The following PPP2R2B variants were observed in gnomAD, a reference collection of about 807,000 sequenced individuals.
PPP2R2B encodes the protein protein phosphatase 2 regulatory subunit Bbeta, also known as serine/threonine-protein phosphatase 2A 55 kDa regulatory subunit B beta isoform.
A neutral mutation model predicts 46.0 loss-of-function variants in PPP2R2B; 5 were observed. That is an observed-to-expected ratio of 0.11 (90% CI 0.06 to 0.23). The LOEUF (loss-of-function observed/expected upper bound fraction) is 0.23. PPP2R2B is among the 10% of genes least tolerant of loss of function. The probability of loss-of-function intolerance (pLI) is 1.00; values close to 1 mark genes in which losing one functional copy is unlikely to be tolerated. For synonymous variants in PPP2R2B, 215 were observed against 206.7 expected, an observed-to-expected ratio of 1.04 and a Z score of -0.34; for missense variants, 367 against 575.0, an observed-to-expected ratio of 0.64 and a Z score of 3.70.
At chr5:146,933,694 TA>T (rs1242607407) in intron 1 of PPP2R2B, among the ~76,000 whole-genome samples, 2 of 151,894 alleles carry the variant, frequency 1.3e-5, no homozygotes, top group African/African-American at 4.8e-5. Context: ...TTTCTTTTAT[TA>T]TTATACTTTA....
chr5:146,953,363 T>C (rs1434918786), intron 1 of PPP2R2B, among the ~76,000 whole-genome samples: 2 of 152,170 alleles, frequency 1.3e-5, no homozygotes, highest in African/African-American at 4.8e-5. Flanking sequence ...GCTACCAAGG[T>C]ATACGGGGTA....
intron 2 of PPP2R2B, among the ~76,000 whole-genome samples, chr5:146,808,499 C>G (rs991237182): frequency 6.6e-6 from 1 of 152,208 alleles, no homozygotes; most frequent in Non-Finnish European, 1.5e-5. Flanking sequence ...CCTCAGAGCC[C>G]CATTCACTAA....
chr5:146,864,670 C>A (rs2151399241), intron 2 of PPP2R2B, among the ~76,000 whole-genome samples: 1 of 152,284 alleles, frequency 6.6e-6, no homozygotes, highest in Admixed American at 6.5e-5. Flanking sequence ...CACCCATGTG[C>A]TTAATGGCAG....
chr5:147,012,315 A>G (rs1439667142), intron 1 of PPP2R2B, among the ~76,000 whole-genome samples: 1 of 152,160 alleles, frequency 6.6e-6, no homozygotes, highest in Admixed American at 6.5e-5. Context: ...GGGAGAATGT[A>G]TGTGTTGAGG....
At chr5:147,065,191 G>A (rs892296451) in intron 2 of PPP2R2B, among the ~76,000 whole-genome samples, 1 of 152,112 alleles carries the variant, frequency 6.6e-6, no homozygotes, top group Admixed American at 6.6e-5. Context: ...AGTGTATGAT[G>A]GAGAACATTC....
intron 1 of PPP2R2B, among the ~76,000 whole-genome samples, chr5:147,043,163 G>A (rs890324303): frequency 6.6e-6 from 1 of 152,006 alleles, no homozygotes; most frequent in Admixed American, 6.6e-5. Context: ...AACTCCTGAA[G>A]ACAACCTAAA....
chr5:146,968,896 CTT>C (rs1401366570), intron 1 of PPP2R2B, among the ~76,000 whole-genome samples: 8 of 152,196 alleles, frequency 5.3e-5, no homozygotes, highest in African/African-American at 1.2e-4. Flanking sequence ...AGAAATGAGT[CTT>C]AAGCTTTTAT....
In PPP2R2B at chr5:147,078,807, CAA is replaced by C. The variant is rs35601188; in HGVS notation, c.50+2250_50+2251del. On this transcript the variant is annotated intron_variant, in intron 2 of 10. Coordinates refer to the PPP2R2B transcript ENST00000394413. ...TGGGTGGCAGAGCGAGACTCCGTCT[CAA>C]AAAAAAAAAAAAAAAAAATTGTATC... Among the ~76,000 whole-genome samples, 844 of 106,210 alleles carry C rather than the reference CAA, an allele frequency of 7.9e-3. 5 individuals carry two copies. The highest frequency in any genetic ancestry group is 0.01 in the Non-Finnish European group (541 of 51,630). The allele number at this position is 106,210 out of a possible 152,430, so 69.7% of individuals were successfully genotyped here.
intron 2 of PPP2R2B, among the ~76,000 whole-genome samples, chr5:146,740,573 TCA>T (rs3995489): frequency 0.11 from 15,401 of 137,762 alleles, 872 homozygotes; most frequent in East Asian, 0.15. Context: ...TAAAATGAGA[TCA>T]CACACACACA....
intron 1 of PPP2R2B, among the ~76,000 whole-genome samples, chr5:146,940,071 T>C (rs1053635956): frequency 3.9e-5 from 6 of 152,220 alleles, no homozygotes; most frequent in Non-Finnish European, 8.8e-5. Flanking sequence ...AGATTTCAAG[T>C]GCCATGGAAG....
intron 1 of PPP2R2B, chr5:147,040,808 TAAAA>T: frequency 5.1e-6 from 2 of 395,914 alleles, no homozygotes; most frequent in Non-Finnish European, 9.7e-6. Flanking sequence ...TGAGTTTCCT[TAAAA>T]AAAAAAAAAA....
intron 6 of PPP2R2B, among the ~76,000 whole-genome samples, chr5:146,640,898 A>G (rs1775164962): frequency 6.6e-6 from 1 of 151,904 alleles, no homozygotes; most frequent in African/African-American, 2.4e-5. Context: ...CCTTCACTGG[A>G]CCTTCCAAGC....
intron 5 of PPP2R2B, among the ~76,000 whole-genome samples, chr5:146,686,639 T>C (rs1305986673): frequency 1.3e-5 from 2 of 152,152 alleles, no homozygotes; most frequent in Non-Finnish European, 2.9e-5. Context: ...CACCTTCATT[T>C]TGGGAAGGTT....
chr5:146,930,712 G>A (rs1188159110), intron 1 of PPP2R2B, among the ~76,000 whole-genome samples: 1 of 152,158 alleles, frequency 6.6e-6, no homozygotes, highest in Non-Finnish European at 1.5e-5. Context: ...GCTTGTACCT[G>A]GGACTCATTG....
chr5:147,051,672 C>T (rs1756824687), intron 1 of PPP2R2B, among the ~76,000 whole-genome samples: 1 of 151,724 alleles, frequency 6.6e-6, no homozygotes, highest in Non-Finnish European at 1.5e-5. Flanking sequence ...CCTCCAGTGC[C>T]TGGTGCCAAA....
At chr5:146,641,688 T>C (rs1288459215) in intron 6 of PPP2R2B, among the ~76,000 whole-genome samples, 1 of 152,140 alleles carries the variant, frequency 6.6e-6, no homozygotes, top group Non-Finnish European at 1.5e-5. Context: ...CTGTATCCTC[T>C]AGAAACCCAG....
At chr5:146,705,735 TA>T (rs1177439934) in intron 2 of PPP2R2B, among the ~76,000 whole-genome samples, 1 of 151,940 alleles carries the variant, frequency 6.6e-6, no homozygotes, top group African/African-American at 2.4e-5. Context: ...TTTCCACAAA[TA>T]GGGGGTTGGG....
chr5:146,770,021 C>A (rs1388771093), intron 2 of PPP2R2B, among the ~76,000 whole-genome samples: 1 of 151,816 alleles, frequency 6.6e-6, no homozygotes, highest in Non-Finnish European at 1.5e-5. Context: ...TCAGAAATAA[C>A]CTAAATGTAA....
intron 1 of PPP2R2B, among the ~76,000 whole-genome samples, chr5:146,985,065 G>C (rs1445280951): frequency 7.2e-6 from 1 of 139,434 alleles, no homozygotes; most frequent in African/African-American, 2.7e-5. Context: ...CTGTCAACCA[G>C]GCTGGAGTGC....
Sources: allele counts gnomAD v4.1 joint callset (sites outside exome capture counted in the v4.1 genomes callset), GRCh38; gene constraint gnomAD v4.1.1; transcripts MANE v1.5; gene names NCBI Gene and HGNC (gene_info 2026-07-23, HGNC 2026-07-21).